NXN: variants seen among roughly 807,000 people sequenced by gnomAD.
NXN encodes the protein nucleoredoxin 1.
A neutral mutation model predicts 48.6 loss-of-function variants in NXN; 16 were observed. That is an observed-to-expected ratio of 0.33 (90% CI 0.22 to 0.50). NXN has a LOEUF of 0.50. Among genes scored for constraint, NXN ranks in the 20% least tolerant of loss-of-function variants. NXN has a pLI of 0.98. For missense variants in NXN, 492 were observed against 605.5 expected, an observed-to-expected ratio of 0.81 and a Z score of 1.97; for synonymous variants, 281 against 269.6, an observed-to-expected ratio of 1.04 and a Z score of -0.41.
At chr17:862,094 G>C (rs893910085) in intron 1 of NXN, among the ~76,000 whole-genome samples, 2 of 152,186 alleles carry the variant, frequency 1.3e-5, no homozygotes, top group African/African-American at 4.8e-5. Flanking sequence ...GTCTCCCAAA[G>C]TGCTGGGATT....
chr17:815,624 C>G (rs1912429303), intron 5 of NXN, among the ~76,000 whole-genome samples: 1 of 151,776 alleles, frequency 6.6e-6, no homozygotes, highest in Non-Finnish European at 1.5e-5. Context: ...TCCCTAAGCT[C>G]TGTAGGTTTT....
intron 1 of NXN, among the ~76,000 whole-genome samples, chr17:835,341 C>A (rs925140317): frequency 1.3e-5 from 2 of 150,298 alleles, no homozygotes; most frequent in Non-Finnish European, 1.5e-5. Context: ...TCATAGCAAA[C>A]CCCCAACGCC....
intron 1 of NXN, among the ~76,000 whole-genome samples, chr17:833,187 G>T (rs928118104): frequency 6.6e-6 from 1 of 152,062 alleles, no homozygotes; most frequent in Non-Finnish European, 1.5e-5. Flanking sequence ...CACCGCACCC[G>T]GCCGAAAAGT....
rs2069493632 is a variant in NXN at position 978,807 on chromosome 17, G to A, written c.360+512C>T. Among the ~76,000 whole-genome samples the A allele has an allele frequency of 6.6e-6, 1 of 152,070 alleles. No individual in the cohort carries two copies. ...TCCCGGAAAGAAAGGAAACGCGCTG[G>A]TTTGGGCGCCACGGGCGGGGGGCGT... On this transcript the variant is annotated intron_variant, in intron 1 of 7. Coordinates refer to ENST00000336868, the MANE Select transcript of NXN (RefSeq NM_022463.5). The surrounding 1 kb of genome is among the most constrained non-coding windows in gnomAD (Gnocchi z 4.1).
chr17:912,832 T>C (rs148719532), intron 1 of NXN, among the ~76,000 whole-genome samples: 3,431 of 152,132 alleles, frequency 0.023, 46 homozygotes, highest in Non-Finnish European at 0.035. Context: ...TACGTGTCTG[T>C]AATCCCAGCT....
At chr17:931,060 C>T (rs1280708979) in intron 1 of NXN, among the ~76,000 whole-genome samples, 1 of 152,174 alleles carries the variant, frequency 6.6e-6, no homozygotes, top group African/African-American at 2.4e-5. Context: ...TGAGCCACCG[C>T]ACCCGGCTGG....
intron 1 of NXN, among the ~76,000 whole-genome samples, chr17:854,484 T>C (rs1302273362): frequency 7.3e-6 from 1 of 136,798 alleles, no homozygotes; most frequent in Non-Finnish European, 1.6e-5. Context: ...CTGTCTCTAC[T>C]AAAAAAAAAA....
chr17:842,435 T>G (rs997623505), intron 1 of NXN: 9 of 810,904 alleles, frequency 1.1e-5, no homozygotes, highest in Middle Eastern at 6.2e-4. Context: ...GGCTGTGGGC[T>G]GCAGTTCCGT....
At chr17:838,412 G>A (rs1462453799) in intron 1 of NXN, among the ~76,000 whole-genome samples, 9 of 152,078 alleles carry the variant, frequency 5.9e-5, no homozygotes, top group South Asian at 2.1e-4. Flanking sequence ...GATTACAGGC[G>A]TGAGCCACCG....
chr17:934,464 T>C (rs1338327098), intron 1 of NXN, among the ~76,000 whole-genome samples: 1 of 141,486 alleles, frequency 7.1e-6, no homozygotes, highest in African/African-American at 2.6e-5. Flanking sequence ...AAAAAAAAAG[T>C]ACAATAAGAA....
intron 1 of NXN, among the ~76,000 whole-genome samples, chr17:860,339 G>C (rs1331078714): frequency 2.2e-5 from 3 of 139,384 alleles, no homozygotes; most frequent in Non-Finnish European, 3.1e-5. Context: ...GGCCAGGCTG[G>C]TCTTGAACTC....
intron 1 of NXN, among the ~76,000 whole-genome samples, chr17:922,093 G>A (rs763104457): frequency 1.3e-5 from 2 of 152,190 alleles, no homozygotes; most frequent in African/African-American, 2.4e-5. Flanking sequence ...GGGTAACTGT[G>A]ACTTTGTTGG....
At chr17:888,918 G>A (rs1360423216) in intron 1 of NXN, among the ~76,000 whole-genome samples, 1 of 145,234 alleles carries the variant, frequency 6.9e-6, no homozygotes, top group Non-Finnish European at 1.5e-5. Context: ...TCGCACCACT[G>A]CACTCCAGCC....
At chr17:942,232 G>A (rs1317092124) in intron 1 of NXN, among the ~76,000 whole-genome samples, 7 of 138,772 alleles carry the variant, frequency 5.0e-5, no homozygotes, top group South Asian at 2.4e-4. Flanking sequence ...AGATTCCAGG[G>A]TGCAGCCATG....
rs1244219808 is a variant in NXN at position 825,245 on chromosome 17, G to C, written c.478+716C>G. Among the ~76,000 whole-genome samples, 1 of 147,964 alleles carries C rather than the reference G, an allele frequency of 6.8e-6. No homozygotes were observed. Among genetic ancestry groups the C allele is most frequent in the Non-Finnish European group, 1.5e-5 (1 of 67,274 alleles). On this transcript the variant is annotated intron_variant, in intron 2 of 7. Transcript: ENST00000336868. The surrounding 1 kb of genome is among the most constrained non-coding windows in gnomAD (Gnocchi z 4.1). ...AGAAAAAAAAAAAAAAAAAAGAAAAGCTTCACGCTTGGTTCCACCATGCCG... is the reference window on the plus strand; with the variant it reads ...AGAAAAAAAAAAAAAAAAAAGAAAACCTTCACGCTTGGTTCCACCATGCCG...
chr17:884,276 G>A (rs1186661172), intron 1 of NXN, among the ~76,000 whole-genome samples: 1 of 143,762 alleles, frequency 7.0e-6, no homozygotes, highest in Non-Finnish European at 1.5e-5. Context: ...GTAGTGGCGT[G>A]CACCTAGAGT....
chr17:970,676 G>A (rs546114639), intron 1 of NXN, among the ~76,000 whole-genome samples: 16 of 152,116 alleles, frequency 1.1e-4, no homozygotes, highest in East Asian at 3.9e-4. Flanking sequence ...GTACAATTCC[G>A]TGAACAGAAA....
At chr17:832,929 C>A (rs911826372) in intron 1 of NXN, among the ~76,000 whole-genome samples, 2 of 150,172 alleles carry the variant, frequency 1.3e-5, no homozygotes, top group African/African-American at 2.4e-5. Flanking sequence ...GTCTCGCTGT[C>A]CCCCAGGCTG....
intron 1 of NXN, among the ~76,000 whole-genome samples, chr17:854,439 G>C (rs1277820875): frequency 1.4e-5 from 2 of 144,512 alleles, no homozygotes; most frequent in African/African-American, 2.6e-5. Flanking sequence ...ACAAGGTCAG[G>C]AGACTGAGAC....
Sources: allele counts gnomAD v4.1 joint callset (sites outside exome capture counted in the v4.1 genomes callset), GRCh38; gene constraint gnomAD v4.1.1; non-coding constraint Gnocchi (gnomAD v3.1); transcripts MANE v1.5; gene names NCBI Gene and HGNC (gene_info 2026-07-23, HGNC 2026-07-21).